Variants in PBX3 observed in about 807,000 individuals in gnomAD.
PBX3 encodes the protein pre-B-cell leukemia transcription factor 3.
Under a neutral mutation model 48.5 loss-of-function variants are expected in PBX3, and 14 were observed. That is an observed-to-expected ratio of 0.29 (90% CI 0.19 to 0.45). The LOEUF (loss-of-function observed/expected upper bound fraction) is 0.45, where lower values mean the gene tolerates loss of function less well. PBX3 is among the 20% of genes least tolerant of loss of function. PBX3 has a pLI of 1.00. For missense variants in PBX3, 386 were observed against 546.7 expected (o/e 0.71, Z 2.93); for synonymous variants, 210 against 200.3 (o/e 1.05, Z -0.41).
intron 5 of PBX3, among the ~76,000 whole-genome samples, chr9:125,937,790 G>A (rs1206134511): frequency 2.6e-5 from 4 of 152,128 alleles, no homozygotes; most frequent in South Asian, 2.1e-4. Context: ...AGCCTCCTGA[G>A]TAGCTAGGAC....
intron 2 of PBX3, among the ~76,000 whole-genome samples, chr9:125,835,036 A>ATGGGC (rs1839086604): frequency 6.7e-6 from 1 of 148,240 alleles, no homozygotes; most frequent in African/African-American, 2.5e-5. Flanking sequence ...AAAAAAAAAA[A>ATGGGC]AAAAAAAAAA....
At chr9:125,920,790 G>A (rs1841440712) in intron 3 of PBX3, among the ~76,000 whole-genome samples, 1 of 152,158 alleles carries the variant, frequency 6.6e-6, no homozygotes, top group African/African-American at 2.4e-5. Context: ...TGGAACCAAG[G>A]AATACACTGA....
At chr9:125,840,259 T>C (rs1214895196) in intron 2 of PBX3, among the ~76,000 whole-genome samples, 2 of 152,042 alleles carry the variant, frequency 1.3e-5, no homozygotes, top group African/African-American at 4.8e-5. Context: ...TTTTTATTTT[T>C]CATTTTTTAG....
intron 3 of PBX3, among the ~76,000 whole-genome samples, chr9:125,916,136 C>T (rs1197125061): frequency 2.0e-5 from 3 of 152,192 alleles, no homozygotes; most frequent in East Asian, 3.9e-4. Context: ...TATTTTATCC[C>T]ATCTACTTGT....
Position 125,747,438 on chromosome 9 carries a change from G to A in PBX3, c.-16G>A. On this transcript the variant is annotated 5_prime_UTR_variant, in exon 1 of 9. Transcript: ENST00000373489. ...TTCGCCTCAGCCGCCGCCCGCTCCC[G>A]CCCGCGCGCGGCGGGATGGACGATC... The A allele has an allele frequency of 2.3e-6, 3 of 1,295,860 alleles. No individual in the cohort carries two copies. Among genetic ancestry groups the A allele is most frequent in the Non-Finnish European group, 3.0e-6 (3 of 1,001,028 alleles). The allele number at this position is 1,295,860 out of a possible 1,614,324, so 80.3% of individuals were successfully genotyped here. A position where few individuals can be genotyped will look rare whatever the true frequency, so the allele number is the denominator to read the frequency against.
intron 2 of PBX3, among the ~76,000 whole-genome samples, chr9:125,864,813 G>A (rs995691872): frequency 1.3e-5 from 2 of 152,178 alleles, no homozygotes; most frequent in Admixed American, 6.5e-5. Flanking sequence ...CCAACAGGCC[G>A]TGAACCAGCA....
intron 2 of PBX3, among the ~76,000 whole-genome samples, chr9:125,875,090 T>C (rs2132332113): frequency 6.6e-6 from 1 of 152,314 alleles, no homozygotes; most frequent in Non-Finnish European, 1.5e-5. Flanking sequence ...AAACTCCGTA[T>C]CTATCTCCCT....
At chr9:125,904,679 A>G (rs138667099) in intron 2 of PBX3, among the ~76,000 whole-genome samples, 1 of 152,022 alleles carries the variant, frequency 6.6e-6, no homozygotes, top group Non-Finnish European at 1.5e-5. Context: ...AGAGAGGAAT[A>G]TTAGGGGCAG....
At chr9:125,948,197 G>A (rs1588329753) in intron 5 of PBX3, among the ~76,000 whole-genome samples, 1 of 152,174 alleles carries the variant, frequency 6.6e-6, no homozygotes, top group East Asian at 1.9e-4. Context: ...ACACTTTGGA[G>A]TAGCACAGAT....
At chr9:125,909,949 G>A (rs1414183037) in intron 2 of PBX3, among the ~76,000 whole-genome samples, 1 of 152,174 alleles carries the variant, frequency 6.6e-6, no homozygotes, top group Non-Finnish European at 1.5e-5. Context: ...TATCAGTGCT[G>A]TATGTTAGAA....
intron 2 of PBX3, among the ~76,000 whole-genome samples, chr9:125,847,718 CTT>C (rs34330364): frequency 5.7e-5 from 8 of 140,116 alleles, no homozygotes; most frequent in Admixed American, 7.1e-5. Flanking sequence ...TAGTTTCCAA[CTT>C]TTTTTTTTTT....
chr9:125,809,558 A>G (rs751192319), intron 2 of PBX3, among the ~76,000 whole-genome samples: 1 of 152,130 alleles, frequency 6.6e-6, no homozygotes, highest in African/African-American at 2.4e-5. Flanking sequence ...TGTAAAGACA[A>G]TTACCATCTC....
intron 2 of PBX3, among the ~76,000 whole-genome samples, chr9:125,863,028 GCTGGGACTACAGGCACATGCCA>G (rs1358823083): frequency 1.3e-5 from 2 of 152,078 alleles, no homozygotes; most frequent in African/African-American, 4.8e-5. Context: ...CTCCTGAGTA[GCTGGGACTACAGGCACATGCCA>G]CTACACCTAG....
chr9:125,842,263 C>G (rs1295107070), intron 2 of PBX3, among the ~76,000 whole-genome samples: 1 of 152,176 alleles, frequency 6.6e-6, no homozygotes, highest in Admixed American at 6.6e-5. Context: ...CACTTGACAA[C>G]TTTACTCAAT....
chr9:125,824,393 C>T (rs1001259537), intron 2 of PBX3, among the ~76,000 whole-genome samples: 3 of 152,162 alleles, frequency 2.0e-5, no homozygotes, highest in Non-Finnish European at 2.9e-5. Flanking sequence ...TCCACAGTTC[C>T]GTTATTCCAT....
intron 2 of PBX3, among the ~76,000 whole-genome samples, chr9:125,753,649 A>T (rs1241398582): frequency 6.6e-6 from 1 of 152,034 alleles, no homozygotes; most frequent in Non-Finnish European, 1.5e-5. Flanking sequence ...ATTTTATTAC[A>T]GATTTGAATA....
chr9:125,773,517 A>G (rs1836994531), intron 2 of PBX3, among the ~76,000 whole-genome samples: 1 of 152,190 alleles, frequency 6.6e-6, no homozygotes. Context: ...GAAATTGTGA[A>G]CTCAGGGCAG....
At chr9:125,958,961 T>C (rs1353055272) in intron 5 of PBX3, among the ~76,000 whole-genome samples, 1 of 152,174 alleles carries the variant, frequency 6.6e-6, no homozygotes, top group East Asian at 1.9e-4. Flanking sequence ...TAATGTCACA[T>C]ACACCATGTA....
chr9:125,859,878 CTCT>C (rs1839817093), intron 2 of PBX3, among the ~76,000 whole-genome samples: 1 of 152,084 alleles, frequency 6.6e-6, no homozygotes, highest in South Asian at 2.1e-4. Flanking sequence ...GGTTGGTGAG[CTCT>C]TCTTATATAG....
Sources: gnomAD v4.1 joint callset for allele counts (sites outside exome capture counted in the v4.1 genomes callset) on GRCh38, gnomAD v4.1.1 for gene constraint, MANE v1.5 for transcripts, NCBI Gene and HGNC (gene_info 2026-07-23, HGNC 2026-07-21) for gene names.